The following PARP1 variants were observed in gnomAD, a reference collection of about 807,000 sequenced individuals.
The protein encoded by PARP1 is poly [ADP-ribose] polymerase 1.
In PARP1, 44 loss-of-function variants were observed where a neutral mutation model predicts 118.7. That is an observed-to-expected ratio of 0.37 (90% CI 0.29 to 0.48). The LOEUF is 0.48. PARP1 is among the 20% of genes least tolerant of loss of function. The pLI is 0.99. For missense variants in PARP1, 1,100 were observed against 1,272.4 expected, an observed-to-expected ratio of 0.86 and a Z score of 2.06; for synonymous variants, 492 against 483.2, an observed-to-expected ratio of 1.02 and a Z score of -0.24.
At chr1:226,386,485 A>C in intron 5 of PARP1, 43 bp from the exon 6 acceptor site, 5 of 1,277,176 alleles carry the variant, frequency 3.9e-6, no homozygotes, top group Middle Eastern at 2.0e-4. Context: ...CTCTTTTCAA[A>C]GGAAGAATCC....
intron 2 of PARP1, chr1:226,392,809 T>G: frequency 1.2e-6 from 1 of 837,810 alleles, no homozygotes; most frequent in South Asian, 1.9e-5. Flanking sequence ...TGGGAAAAGG[T>G]TGAATTATTC....
In PARP1 at chr1:226,368,394, T is replaced by C. The variant is rs190640547; in HGVS notation, c.2155-73A>G. On this transcript the variant is annotated intron_variant, in intron 15 of 22. Transcript: ENST00000366794. The stretch of plus-strand genomic sequence containing the variant: ...AAGCCCCCGGCCAGGCTTTCTCTTT[T>C]AGCAGGTGGGTGCTGCAGCAGGTCC... The C allele has an allele frequency of 2.9e-5, 47 of 1,599,804 alleles. 1 individual carries two copies. Among genetic ancestry groups the C allele is most frequent in the Middle Eastern group, 1.7e-4 (1 of 5,970 alleles).
At position 226,401,968 on chromosome 1, in the gene PARP1, T is replaced by C. The variant is rs941173895; in HGVS notation, c.286+246A>G. ...TTTTGCCATGAACAAAAATAAAGTA[T>C]ATTAAAAACAAAACAACTTTAAAGG... On this transcript the variant is annotated intron_variant, in intron 2 of 22. Coordinates refer to ENST00000366794, the MANE Select transcript of PARP1 (RefSeq NM_001618.4). 7.6e-6 allele frequency: 11 copies of C among 1,446,404 alleles called. No individual in the cohort carries two copies. In the Admixed American group the frequency reaches 8.5e-5, roughly 11 times the overall value. 89.6% of individuals were successfully genotyped at this position (1,446,404 alleles called of 1,614,324 possible). A position where few individuals can be genotyped will look rare whatever the true frequency, so the allele number is the denominator to read the frequency against.
At chr1:226,376,153 C>T (rs1259147864) in intron 13 of PARP1, among the ~76,000 whole-genome samples, 1 of 151,974 alleles carries the variant, frequency 6.6e-6, no homozygotes, top group African/African-American at 2.4e-5. Flanking sequence ...AAAGAATTCC[C>T]CCTACGAGAC....
At chr1:226,403,381 T>C (rs915055108) in intron 1 of PARP1, among the ~76,000 whole-genome samples, 3 of 152,222 alleles carry the variant, frequency 2.0e-5, no homozygotes, top group African/African-American at 7.2e-5. Flanking sequence ...GGCTTCACCA[T>C]GTTGGCCAGG....
chr1:226,363,252 T>C (rs1664187894), intron 20 of PARP1, 92 bp from the exon 21 acceptor site: 1 of 902,588 alleles, frequency 1.1e-6, no homozygotes, highest in Non-Finnish European at 1.9e-6. Flanking sequence ...GATACAGAGA[T>C]GAGATAAAAG....
At chr1:226,391,164 T>C (rs1401647168) in intron 3 of PARP1, among the ~76,000 whole-genome samples, 1 of 151,972 alleles carries the variant, frequency 6.6e-6, no homozygotes, top group Non-Finnish European at 1.5e-5. Context: ...TCTCACTATG[T>C]TGCCCGGGCT....
At chr1:226,387,140 G>A (rs767012418) in intron 5 of PARP1, among the ~76,000 whole-genome samples, 4 of 152,022 alleles carry the variant, frequency 2.6e-5, no homozygotes, top group Non-Finnish European at 5.9e-5. Context: ...GCACCACCAC[G>A]CCCAGCTAAT....
At chr1:226,380,466 T>A (rs1181178636) in intron 9 of PARP1, among the ~76,000 whole-genome samples, 1 of 152,226 alleles carries the variant, frequency 6.6e-6, no homozygotes, top group Non-Finnish European at 1.5e-5. Context: ...TTTCTCTGGT[T>A]CCTGAAGACC....
chr1:226,378,767 C>T (rs1287570373), intron 12 of PARP1, among the ~76,000 whole-genome samples: 1 of 152,132 alleles, frequency 6.6e-6, no homozygotes, highest in Admixed American at 6.5e-5. Flanking sequence ...CCTGGGAGGT[C>T]AAGGCTCCGC....
intron 2 of PARP1, 42 bp from the exon 3 acceptor site, chr1:226,392,356 C>T (rs757321811): frequency 7.1e-7 from 1 of 1,415,648 alleles, no homozygotes; most frequent in East Asian, 2.3e-5. Context: ...TCAACAGCCC[C>T]AAAATGCAGC....
intron 16 of PARP1, 93 bp from the exon 17 acceptor site, chr1:226,367,701 T>C (rs2102728542): frequency 1.4e-6 from 2 of 1,426,846 alleles, no homozygotes; most frequent in Non-Finnish European, 2.0e-6. Context: ...GCAGAGAAGG[T>C]CCAACACAGT....
intron 7 of PARP1, among the ~76,000 whole-genome samples, chr1:226,385,033 G>A (rs553544869): frequency 6.2e-4 from 94 of 152,276 alleles, no homozygotes; most frequent in African/African-American, 2.1e-3. Flanking sequence ...GGTATTTTGC[G>A]TTGAGAATTC....
intron 9 of PARP1, among the ~76,000 whole-genome samples, chr1:226,380,602 G>A (rs950857522): frequency 6.6e-6 from 1 of 152,170 alleles, no homozygotes; most frequent in African/African-American, 2.4e-5. Context: ...ATCTTACAGA[G>A]CAGTGCGAAG....
chr1:226,392,394 C>T, intron 2 of PARP1, 80 bp from the exon 3 acceptor site: 1 of 927,574 alleles, frequency 1.1e-6, no homozygotes, highest in Non-Finnish European at 1.8e-6. Context: ...TCTTCTACCT[C>T]CCCAGGATCC....
intron 16 of PARP1, 141 bp from the exon 17 acceptor site, chr1:226,367,749 T>C: frequency 1.1e-6 from 1 of 921,450 alleles, no homozygotes; most frequent in Non-Finnish European, 1.7e-6. Context: ...GCCAGCCTGT[T>C]ACCTGCTGCA....
chr1:226,376,334 T>TA (rs1664486842), intron 13 of PARP1, among the ~76,000 whole-genome samples: 1 of 152,118 alleles, frequency 6.6e-6, no homozygotes, highest in African/African-American at 2.4e-5. Context: ...TGTCAACCAA[T>TA]AGACAAATGA....
intron 17 of PARP1, chr1:226,367,274 T>C (rs1576391144): frequency 3.3e-6 from 2 of 613,902 alleles, no homozygotes; most frequent in Non-Finnish European, 5.8e-6. Context: ...GCAAACAAGG[T>C]GCATTATCTA....
intron 18 of PARP1, among the ~76,000 whole-genome samples, chr1:226,365,569 C>A (rs1360268464): frequency 1.3e-5 from 2 of 152,166 alleles, no homozygotes; most frequent in Non-Finnish European, 2.9e-5. Flanking sequence ...GAGTTCAAGA[C>A]CAGCCTGGCC....
Sources: gnomAD v4.1 joint callset for allele counts (sites outside exome capture counted in the v4.1 genomes callset) on GRCh38, gnomAD v4.1.1 for gene constraint, MANE v1.5 for transcripts, NCBI Gene and HGNC (gene_info 2026-07-23, HGNC 2026-07-21) for gene names.